The following TTC17 variants were observed in gnomAD, a reference collection of about 807,000 sequenced individuals.
TTC17 encodes the protein tetratricopeptide repeat protein 17.
In TTC17, 58 loss-of-function variants were observed where a neutral mutation model predicts 143.8. The ratio of observed to expected loss-of-function variants is 0.40; its 90% confidence interval spans 0.33 to 0.50. The LOEUF (loss-of-function observed/expected upper bound fraction) is 0.50. Ranked by LOEUF, TTC17 falls within the 20% of genes least tolerant of loss-of-function variation. The pLI is 0.49. For synonymous variants in TTC17, 501 were observed against 497.8 expected, an observed-to-expected ratio of 1.01 and a Z score of -0.09; for missense variants, 1,273 against 1,392.5, an observed-to-expected ratio of 0.91 and a Z score of 1.37.
chr11:43,455,028 G>A (rs1947736434), intron 21 of TTC17, among the ~76,000 whole-genome samples: 1 of 151,446 alleles, frequency 6.6e-6, no homozygotes. Context: ...TCAGAGCAGT[G>A]AACAAATTCC....
chr11:43,456,251 C>G (rs983591434), intron 21 of TTC17, among the ~76,000 whole-genome samples: 7 of 151,884 alleles, frequency 4.6e-5, no homozygotes, highest in African/African-American at 1.7e-4. Context: ...TAGGCGCCTT[C>G]TAAATGCTTT....
At position 43,396,716 on chromosome 11, in the gene TTC17, C is replaced by A; in HGVS notation, c.671C>A (p.Ser224Tyr). ...TACTTTTTTAATCTCTAGAACACTTCCTCGTGGGTACTGTATAACATGGCT... is the reference window on the plus strand; with the variant it reads ...TACTTTTTTAATCTCTAGAACACTTACTCGTGGGTACTGTATAACATGGCT... Reference protein sequence around the residue: ...LIHEGLQKNTSSWVLYNMASF... With the variant: ...LIHEGLQKNTYSWVLYNMASF... The change falls in exon 6 of 24, where the codon TCC (serine) becomes TAC (tyrosine). Residue 224 changes from serine (S) to tyrosine (Y), a missense_variant. Ser to Tyr is a moderately radical substitution (Grantham distance 144). Transcript: ENST00000039989. 2 of 1,574,094 alleles carry A rather than the reference C, an allele frequency of 1.3e-6. No individual in the cohort carries two copies. The highest frequency in any genetic ancestry group is 8.7e-7 in the Non-Finnish European group (1 of 1,152,638).
chr11:43,416,152 T>C (rs1256456503), intron 16 of TTC17, among the ~76,000 whole-genome samples: 1 of 152,166 alleles, frequency 6.6e-6, no homozygotes, highest in Non-Finnish European at 1.5e-5. Context: ...TCCTGGAAGA[T>C]ATGCTGTGGT....
intron 7 of TTC17, 23 bp from the exon 8 acceptor site, chr11:43,397,924 GTGTGTGTGTGTGTGTGTGTGTGTGTGT>G: frequency 8.6e-7 from 1 of 1,157,172 alleles, no homozygotes; most frequent in Non-Finnish European, 1.2e-6. Flanking sequence ...GTGTGTGTGT[GTGTGTGTGTGTGTGTGTGTGTGTGTGT>G]ATGTTTGTTT....
At chr11:43,373,972 A>G (rs61883552) in intron 1 of TTC17, among the ~76,000 whole-genome samples, 26,035 of 152,190 alleles carry the variant, frequency 0.17, 2,941 homozygotes, top group Non-Finnish European at 0.24. Context: ...TACCTTAGCC[A>G]CTTCACGTTT....
Position 43,397,997 on chromosome 11 carries a change from A to G in TTC17, c.942A>G (p.Ser314=). The change falls in exon 8 of 24, where the codon TCA becomes TCG. Residue 314 remains serine (S), a synonymous_variant. Transcript: ENST00000039989. ...IYAMLGEYNH[S]VLCYDHALQA... is the part of the protein sequence containing the mutation. ...AGATGCTTGGGGAATATAACCACTC[A>G]GTGCTCTGTTATGACCACGCTTTGC... The G allele has an allele frequency of 1.2e-6, 2 of 1,611,524 alleles. No individual in the cohort carries two copies. Among genetic ancestry groups the G allele is most frequent in the Non-Finnish European group, 1.7e-6 (2 of 1,179,538 alleles).
At chr11:43,436,499 G>A (rs948611387) in intron 16 of TTC17, among the ~76,000 whole-genome samples, 3 of 152,210 alleles carry the variant, frequency 2.0e-5, no homozygotes, top group African/African-American at 7.2e-5. Context: ...ACAAGCTTTA[G>A]TGTGAAAGTG....
At chr11:43,372,729 G>C (rs1856617356) in intron 1 of TTC17, among the ~76,000 whole-genome samples, 1 of 151,984 alleles carries the variant, frequency 6.6e-6, no homozygotes, top group East Asian at 1.9e-4. Flanking sequence ...GACCTTAGGT[G>C]ATCCACCCGC....
intron 16 of TTC17, among the ~76,000 whole-genome samples, chr11:43,435,861 A>G (rs1811358576): frequency 6.6e-6 from 1 of 152,230 alleles, no homozygotes. Context: ...ACTTCAAGAA[A>G]ATATTTCATG....
chr11:43,390,340 TG>T (rs968924082), intron 3 of TTC17: 1 of 151,250 alleles, frequency 6.6e-6, no homozygotes, highest in African/African-American at 2.4e-5. Flanking sequence ...AAAGGCCGGG[TG>T]CGGTGGCTCA....
intron 16 of TTC17, among the ~76,000 whole-genome samples, chr11:43,441,245 C>T (rs1394460863): frequency 1.3e-5 from 2 of 150,740 alleles, no homozygotes; most frequent in Admixed American, 6.6e-5. Flanking sequence ...CATTGCGCTC[C>T]AGCCTGGGCA....
chr11:43,444,718 T>TACACACAC (rs1347466173), intron 18 of TTC17, among the ~76,000 whole-genome samples: 17 of 91,098 alleles, frequency 1.9e-4, no homozygotes, highest in Admixed American at 3.2e-4. Context: ...GTTCACCAAA[T>TACACACAC]ACATACACAC....
At chr11:43,391,760 G>A in intron 4 of TTC17, 61 bp from the exon 5 acceptor site, 5 of 1,575,834 alleles carry the variant, frequency 3.2e-6, no homozygotes, top group Non-Finnish European at 4.3e-6. Context: ...ACAAGATACT[G>A]AATTATTTGT....
Position 43,390,156 on chromosome 11 carries a change from T to G in TTC17, c.419+335T>G, listed in dbSNP as rs117777076. Reference sequence around the variant, plus strand: ...ACCCCATCTCTACAAAAAAAAATGTTAAAAATTAGCCAGGCATGGTGGTGT... The same window carrying G: ...ACCCCATCTCTACAAAAAAAAATGTGAAAAATTAGCCAGGCATGGTGGTGT... On this transcript the variant is annotated intron_variant, in intron 3 of 23. Transcript: ENST00000039989. 1.4e-3 allele frequency: 230 copies of G among 166,552 alleles called. 3 individuals carry two copies. The East Asian group carries it at 0.035, about 25-fold the overall frequency. The allele number at this position is 166,552 out of a possible 1,614,324, so 10.3% of individuals were successfully genotyped here.
At chr11:43,455,312 T>C (rs948942524) in intron 21 of TTC17, among the ~76,000 whole-genome samples, 2 of 151,244 alleles carry the variant, frequency 1.3e-5, no homozygotes, top group Admixed American at 1.3e-4. Context: ...AGAAAAGATA[T>C]AAACACCCAA....
intron 16 of TTC17, among the ~76,000 whole-genome samples, chr11:43,421,194 A>G (rs1485607100): frequency 6.6e-6 from 1 of 152,196 alleles, no homozygotes; most frequent in Non-Finnish European, 1.5e-5. Context: ...AGAAAGTGAC[A>G]TTTGAACATA....
At chr11:43,371,599 G>T (rs1856570910) in intron 1 of TTC17, among the ~76,000 whole-genome samples, 1 of 152,142 alleles carries the variant, frequency 6.6e-6, no homozygotes, top group African/African-American at 2.4e-5. Context: ...TTTTATGGAG[G>T]CTTTATTACA....
chr11:43,370,336 G>C (rs1265557368), intron 1 of TTC17: 1 of 217,170 alleles, frequency 4.6e-6, no homozygotes, highest in Non-Finnish European at 9.5e-6. Flanking sequence ...ACAATCATTT[G>C]ATTGTTTGAG....
At chr11:43,381,287 T>C in intron 2 of TTC17, among the ~76,000 whole-genome samples, 1 of 152,264 alleles carries the variant, frequency 6.6e-6, no homozygotes, top group East Asian at 1.9e-4. Flanking sequence ...GTAGGCAGGC[T>C]TGAAAGTAGT....
Sources: gnomAD v4.1 joint callset for allele counts (sites outside exome capture counted in the v4.1 genomes callset) on GRCh38, gnomAD v4.1.1 for gene constraint, MANE v1.5 for transcripts, NCBI Gene and HGNC (gene_info 2026-07-23, HGNC 2026-07-21) for gene names.